CHCHD6: variants seen among roughly 807,000 people sequenced by gnomAD.
The protein encoded by CHCHD6 is MICOS complex subunit MIC25.
In CHCHD6, 28 loss-of-function variants were observed where a neutral mutation model predicts 32.3. The observed-to-expected ratio is 0.87, with a 90% CI of 0.64 to 1.19. The LOEUF is 1.19. Ranked by LOEUF, CHCHD6 falls within the 50% of genes most tolerant of loss-of-function variation. CHCHD6 has a pLI of 0.00. For missense variants in CHCHD6, 333 were observed against 307.0 expected (o/e 1.08, Z -0.63); for synonymous variants, 122 against 117.5 (o/e 1.04, Z -0.25).
intron 2 of CHCHD6, among the ~76,000 whole-genome samples, chr3:126,729,334 C>T (rs1259010899): frequency 1.3e-5 from 2 of 152,116 alleles, no homozygotes; most frequent in East Asian, 1.9e-4. Flanking sequence ...ATCTCCACGT[C>T]ACTAATACTG....
intron 4 of CHCHD6, among the ~76,000 whole-genome samples, chr3:126,735,857 C>T (rs948777015): frequency 6.6e-6 from 1 of 152,170 alleles, no homozygotes; most frequent in Non-Finnish European, 1.5e-5. Context: ...CTGAAGTTGG[C>T]TTCTATTGCT....
At chr3:126,752,871 ATTGGGG>A (rs1159248921) in intron 4 of CHCHD6, among the ~76,000 whole-genome samples, 1 of 152,124 alleles carries the variant, frequency 6.6e-6, no homozygotes, top group Non-Finnish European at 1.5e-5. Context: ...AAGGAGAAAT[ATTGGGG>A]TTTTATGATG....
chr3:126,876,606 C>T (rs367930411), intron 5 of CHCHD6, among the ~76,000 whole-genome samples: 9 of 152,130 alleles, frequency 5.9e-5, no homozygotes, highest in South Asian at 2.1e-4. Flanking sequence ...TTAAAAATAT[C>T]GGCAGTACTT....
intron 4 of CHCHD6, chr3:126,766,753 C>T (rs1472531837): frequency 1.2e-5 from 14 of 1,142,214 alleles, no homozygotes; most frequent in East Asian, 4.7e-5. Flanking sequence ...GGTAGATTCA[C>T]GGGAGGTGTT....
At chr3:126,957,711 C>T in intron 7 of CHCHD6, 160 bp downstream of exon 7, 1 of 838,104 alleles carries the variant, frequency 1.2e-6, no homozygotes, top group Non-Finnish European at 1.9e-6. Flanking sequence ...TCGCTTTCCT[C>T]AGTCACCTGC....
rs572991794 is a variant in CHCHD6 at position 126,816,937 on chromosome 3, C to T, written c.412-35710C>T. 6.5e-4 allele frequency among the ~76,000 whole-genome samples: 99 copies of T among 152,198 alleles called. 1 individual carries two copies. The Middle Eastern group carries it at 0.014, about 21-fold the overall frequency. On this transcript the variant is annotated intron_variant, in intron 4 of 7. Transcript: ENST00000290913. ...TCCAAGTGTTCTCATTGTTCAATTT[C>T]CACCTATGAGTGAGAGCATGCAGTG...
At chr3:126,797,900 C>G (rs1351716527) in intron 4 of CHCHD6, among the ~76,000 whole-genome samples, 2 of 152,174 alleles carry the variant, frequency 1.3e-5, no homozygotes, top group Admixed American at 1.3e-4. Context: ...AACAGGGCGC[C>G]TCCGTGCCAG....
In CHCHD6 at chr3:126,848,802, A is replaced by T. The variant is rs182336598; in HGVS notation, c.412-3845A>T. 6.6e-5 allele frequency among the ~76,000 whole-genome samples: 10 copies of T among 152,316 alleles called. No homozygotes were observed. The East Asian group carries it at 1.9e-3, about 29-fold the overall frequency. On this transcript the variant is annotated intron_variant, in intron 4 of 7. Coordinates refer to ENST00000290913, the MANE Select transcript of CHCHD6 (RefSeq NM_032343.3). The stretch of plus-strand genomic sequence containing the variant: ...AAAGTTTTTTGAAATCCTTTGTCAT[A>T]TTGTCCTATAAAATTAATGTCATCT...
chr3:126,957,054 G>A (rs1352273418), intron 6 of CHCHD6: 1 of 314,616 alleles, frequency 3.2e-6, no homozygotes, highest in Admixed American at 4.1e-5. Flanking sequence ...GCACAGCGGG[G>A]CGGGTTGTCC....
intron 5 of CHCHD6, among the ~76,000 whole-genome samples, chr3:126,863,815 A>T (rs367925555): frequency 2.8e-4 from 19 of 68,032 alleles, no homozygotes; most frequent in Middle Eastern, 0.012. Flanking sequence ...CATCATCACC[A>T]CCTCCTCCTC....
chr3:126,739,618 G>T (rs948843987), intron 4 of CHCHD6, among the ~76,000 whole-genome samples: 5 of 152,212 alleles, frequency 3.3e-5, no homozygotes, highest in African/African-American at 1.2e-4. Flanking sequence ...GACAACTTCA[G>T]TCTTCTGATA....
At chr3:126,748,784 C>T (rs1375028742) in intron 4 of CHCHD6, among the ~76,000 whole-genome samples, 1 of 152,104 alleles carries the variant, frequency 6.6e-6, no homozygotes, top group Non-Finnish European at 1.5e-5. Flanking sequence ...TCCATCCATC[C>T]ATTCAAGACA....
In CHCHD6 at chr3:126,925,812, G is replaced by A. The variant is rs73209618; in HGVS notation, c.566+11062G>A. On this transcript the variant is annotated intron_variant, in intron 6 of 7. Transcript: ENST00000290913. ...AAGAGAGCCACGGAGGGCCTGGAGT[G>A]TATTTGCTGCATAACCTTCTTCCCC... Among the ~76,000 whole-genome samples, 1,107 of 152,336 alleles carry A rather than the reference G, an allele frequency of 7.3e-3. 7 individuals carry two copies. Among genetic ancestry groups the A allele is most frequent in the Non-Finnish European group, 0.012 (813 of 68,028 alleles).
intron 4 of CHCHD6, among the ~76,000 whole-genome samples, chr3:126,809,328 G>T (rs578082429): frequency 1.3e-5 from 2 of 152,268 alleles, no homozygotes; most frequent in East Asian, 3.9e-4. Flanking sequence ...CACTGCTTAG[G>T]TTGTGCTTGT....
chr3:126,806,807 A>G (rs1432587865), intron 4 of CHCHD6, among the ~76,000 whole-genome samples: 1 of 152,142 alleles, frequency 6.6e-6, no homozygotes, highest in Non-Finnish European at 1.5e-5. Context: ...CCAAATGTCC[A>G]ACAATGATAG....
chr3:126,786,706 TG>T (rs1463062899), intron 4 of CHCHD6, among the ~76,000 whole-genome samples: 1 of 152,246 alleles, frequency 6.6e-6, no homozygotes, highest in Non-Finnish European at 1.5e-5. Flanking sequence ...TTGAGATCAT[TG>T]TAGATTCTGG....
intron 5 of CHCHD6, among the ~76,000 whole-genome samples, chr3:126,889,114 C>T (rs574884925): frequency 2.6e-5 from 4 of 152,034 alleles, no homozygotes; most frequent in Non-Finnish European, 5.9e-5. Flanking sequence ...TGTGTTGGGT[C>T]CTTGGAGGTT....
At chr3:126,824,531 A>G (rs952954579) in intron 4 of CHCHD6, among the ~76,000 whole-genome samples, 1 of 127,530 alleles carries the variant, frequency 7.8e-6, no homozygotes. Context: ...ACTGCACTCC[A>G]GCCTAGGTGA....
At chr3:126,792,871 A>C (rs913765165) in intron 4 of CHCHD6, among the ~76,000 whole-genome samples, 1 of 152,082 alleles carries the variant, frequency 6.6e-6, no homozygotes, top group Non-Finnish European at 1.5e-5. Context: ...AGATTTGCCT[A>C]CTTCTCCCTG....
Sources: allele counts gnomAD v4.1 joint callset (sites outside exome capture counted in the v4.1 genomes callset), GRCh38; gene constraint gnomAD v4.1.1; transcripts MANE v1.5; gene names NCBI Gene and HGNC (gene_info 2026-07-23, HGNC 2026-07-21).